Variants in ADAMTS3 observed in about 807,000 individuals in gnomAD.
ADAMTS3 encodes the protein ADAM metallopeptidase with thrombospondin type 1 motif 3.
Under a neutral mutation model 129.0 loss-of-function variants are expected in ADAMTS3, and 73 were observed. The observed-to-expected ratio is 0.57, with a 90% CI of 0.47 to 0.69. The LOEUF (loss-of-function observed/expected upper bound fraction) is 0.69. ADAMTS3 is among the 30% of genes least tolerant of loss of function. ADAMTS3 has a pLI of 0.00. For synonymous variants in ADAMTS3, 477 were observed against 510.8 expected, an observed-to-expected ratio of 0.93 and a Z score of 0.89; for missense variants, 1,457 against 1,514.5, an observed-to-expected ratio of 0.96 and a Z score of 0.63.
chr4:72,502,303 T>C (rs920172651), intron 3 of ADAMTS3, among the ~76,000 whole-genome samples: 2 of 152,108 alleles, frequency 1.3e-5, no homozygotes, highest in African/African-American at 4.8e-5. Flanking sequence ...CTTGATACCA[T>C]TCTGTTCAAG....
intron 4 of ADAMTS3, among the ~76,000 whole-genome samples, chr4:72,384,153 A>C (rs1721375002): frequency 6.6e-6 from 1 of 152,192 alleles, no homozygotes; most frequent in South Asian, 2.1e-4. Context: ...AATTATAAAC[A>C]GAGTTTCAGT....
At chr4:72,350,872 T>G (rs1223246701) in intron 4 of ADAMTS3, among the ~76,000 whole-genome samples, 2 of 151,996 alleles carry the variant, frequency 1.3e-5, no homozygotes, top group African/African-American at 4.8e-5. Context: ...CGGACTCAGC[T>G]GAATACCAGA....
intron 4 of ADAMTS3, among the ~76,000 whole-genome samples, chr4:72,373,465 A>G (rs932030167): frequency 1.3e-5 from 2 of 152,236 alleles, no homozygotes; most frequent in African/African-American, 4.8e-5. Context: ...GGAAGAATAA[A>G]CTATACCTAC....
At chr4:72,481,265 A>G (rs1039191115) in intron 3 of ADAMTS3, among the ~76,000 whole-genome samples, 1 of 152,208 alleles carries the variant, frequency 6.6e-6, no homozygotes, top group Non-Finnish European at 1.5e-5. Flanking sequence ...GAAAAATAAT[A>G]AAGCAGGAAT....
chr4:72,457,784 AACT>A (rs1398569630), intron 3 of ADAMTS3, among the ~76,000 whole-genome samples: 2 of 151,652 alleles, frequency 1.3e-5, no homozygotes, highest in African/African-American at 4.8e-5. Flanking sequence ...ATTCAAAACA[AACT>A]ACTAAGTTTT....
At chr4:72,297,660 A>T (rs1190576412) in intron 18 of ADAMTS3, among the ~76,000 whole-genome samples, 1 of 152,076 alleles carries the variant, frequency 6.6e-6, no homozygotes, top group African/African-American at 2.4e-5. Context: ...CAGTGCAGTG[A>T]GTGAGAGCAT....
At chr4:72,338,660 G>A (rs1353428559) in intron 5 of ADAMTS3, among the ~76,000 whole-genome samples, 2 of 151,764 alleles carry the variant, frequency 1.3e-5, no homozygotes, top group Non-Finnish European at 2.9e-5. Flanking sequence ...GGGGGAGGGT[G>A]GGTTGAGAGA....
In ADAMTS3 at chr4:72,504,546, G is replaced by T. The variant is rs371044874; in HGVS notation, c.504+43932C>A. Among the ~76,000 whole-genome samples, 5 of 152,024 alleles carry T rather than the reference G, an allele frequency of 3.3e-5. No individual in the cohort carries two copies. In the South Asian group the frequency reaches 1.0e-3, roughly 32 times the overall value. ...GACAGTCTGGTGACCATATGCCTTA[G>T]GGATGTTAGTTTTGTATAGTATTTC... is the stretch of plus-strand genomic sequence containing the variant. On this transcript the variant is annotated intron_variant, in intron 3 of 21. Transcript: ENST00000286657.
intron 3 of ADAMTS3, among the ~76,000 whole-genome samples, chr4:72,511,499 C>T (rs1044874854): frequency 5.3e-5 from 8 of 152,112 alleles, no homozygotes; most frequent in African/African-American, 1.7e-4. Flanking sequence ...AAATGGCAAA[C>T]GGACATACGA....
intron 2 of ADAMTS3, among the ~76,000 whole-genome samples, chr4:72,549,962 AAAG>A (rs71655715): frequency 0.037 from 1,135 of 30,700 alleles, 68 homozygotes; most frequent in African/African-American, 0.15. Flanking sequence ...AAAAAAAAAA[AAAG>A]AAGAAGAAGA....
At chr4:72,508,190 G>A (rs1720214042) in intron 3 of ADAMTS3, among the ~76,000 whole-genome samples, 1 of 152,072 alleles carries the variant, frequency 6.6e-6, no homozygotes, top group Non-Finnish European at 1.5e-5. Flanking sequence ...CATTTCCACT[G>A]ACCCTGCAAA....
chr4:72,480,563 G>C (rs1013935236), intron 3 of ADAMTS3, among the ~76,000 whole-genome samples: 1 of 151,762 alleles, frequency 6.6e-6, no homozygotes, highest in South Asian at 2.1e-4. Flanking sequence ...GGGGACGGGG[G>C]AGGGATAGCA....
chr4:72,427,110 C>G (rs1190206332), intron 3 of ADAMTS3, among the ~76,000 whole-genome samples: 1 of 152,072 alleles, frequency 6.6e-6, no homozygotes, highest in Admixed American at 6.6e-5. Context: ...TGACTGGTGT[C>G]AAGGTGTTAG....
chr4:72,290,790 T>A, intron 20 of ADAMTS3, 65 bp downstream of exon 20: 1 of 1,534,068 alleles, frequency 6.5e-7, no homozygotes, highest in Non-Finnish European at 9.0e-7. Context: ...TTAAGCCAAA[T>A]TAAAATATCT....
At chr4:72,381,082 A>C (rs1207885800) in intron 4 of ADAMTS3, among the ~76,000 whole-genome samples, 2 of 152,112 alleles carry the variant, frequency 1.3e-5, no homozygotes, top group Non-Finnish European at 2.9e-5. Flanking sequence ...CAGGTTTCCC[A>C]AGATACAGTG....
At chr4:72,477,514 C>T (rs1419652445) in intron 3 of ADAMTS3, among the ~76,000 whole-genome samples, 1 of 151,914 alleles carries the variant, frequency 6.6e-6, no homozygotes, top group Non-Finnish European at 1.5e-5. Context: ...ACACAACATA[C>T]CAGAATCTCT....
chr4:72,347,007 C>A (rs1006661299), intron 4 of ADAMTS3, among the ~76,000 whole-genome samples: 21 of 151,996 alleles, frequency 1.4e-4, no homozygotes, highest in Admixed American at 1.1e-3. Context: ...TGAACTAGGA[C>A]ATTTTAATTT....
At chr4:72,439,871 A>G (rs2109958955) in intron 3 of ADAMTS3, among the ~76,000 whole-genome samples, 1 of 151,468 alleles carries the variant, frequency 6.6e-6, no homozygotes, top group South Asian at 2.1e-4. Flanking sequence ...CAAAGGCAAT[A>G]ATTTTCTAAA....
At chr4:72,356,614 C>G (rs1720588869) in intron 4 of ADAMTS3, among the ~76,000 whole-genome samples, 1 of 151,558 alleles carries the variant, frequency 6.6e-6, no homozygotes, top group African/African-American at 2.4e-5. Context: ...TAAATGTTAC[C>G]ATTTCCAGAT....
Sources: gnomAD v4.1 joint callset for allele counts (sites outside exome capture counted in the v4.1 genomes callset) on GRCh38, gnomAD v4.1.1 for gene constraint, MANE v1.5 for transcripts, NCBI Gene and HGNC (gene_info 2026-07-23, HGNC 2026-07-21) for gene names.